Variants in ROBO1 observed in about 807,000 individuals in gnomAD.
The protein encoded by ROBO1 is roundabout homolog 1.
A neutral mutation model predicts 195.9 loss-of-function variants in ROBO1; 149 were observed. The observed-to-expected ratio is 0.76, with a 90% confidence interval of 0.67 to 0.87. The LOEUF (loss-of-function observed/expected upper bound fraction) is 0.87, where lower values mean the gene tolerates loss of function less well. Among genes scored for constraint, ROBO1 ranks in the 40% least tolerant of loss-of-function variants. ROBO1 has a pLI of 0.00. For synonymous variants in ROBO1, 816 were observed against 733.2 expected (o/e 1.11, Z -1.82); for missense variants, 1,933 against 2,068.3 (o/e 0.93, Z 1.27).
At chr3:79,279,062 T>A (rs2031293747) in intron 2 of ROBO1, among the ~76,000 whole-genome samples, 1 of 151,752 alleles carries the variant, frequency 6.6e-6, no homozygotes, top group South Asian at 2.1e-4. Flanking sequence ...TCACCTGAGG[T>A]CAGGAGTTTG....
At chr3:79,278,034 A>G (rs540210830) in intron 2 of ROBO1, among the ~76,000 whole-genome samples, 1 of 152,234 alleles carries the variant, frequency 6.6e-6, no homozygotes, top group East Asian at 1.9e-4. Context: ...AACTAGGTGA[A>G]AAAGAAATCA....
chr3:79,154,017 C>G (rs115977303), intron 2 of ROBO1, among the ~76,000 whole-genome samples: 3 of 150,728 alleles, frequency 2.0e-5, no homozygotes, highest in Middle Eastern at 3.5e-3. Context: ...TCTTTACTTT[C>G]TGCACAGTAT....
chr3:78,607,527 T>C (rs766174184), intron 28 of ROBO1, among the ~76,000 whole-genome samples: 148 of 152,290 alleles, frequency 9.7e-4, no homozygotes, highest in Non-Finnish European at 1.7e-3. Flanking sequence ...CCAACACTTT[T>C]AATGTACTCT....
intron 3 of ROBO1, among the ~76,000 whole-genome samples, chr3:78,993,204 G>C (rs1576528293): frequency 6.6e-6 from 1 of 152,176 alleles, no homozygotes; most frequent in Admixed American, 6.5e-5. Flanking sequence ...AGACATGTGT[G>C]GGTGGATGGA....
intron 20 of ROBO1, 96 bp downstream of exon 20, chr3:78,647,533 A>T (rs1706378124): frequency 8.4e-7 from 1 of 1,194,762 alleles, no homozygotes; most frequent in Non-Finnish European, 1.2e-6. Flanking sequence ...TCTTTCCCCC[A>T]ACTTACTGCA....
At chr3:79,523,550 G>A (rs1370429285) in intron 2 of ROBO1, among the ~76,000 whole-genome samples, 1 of 138,724 alleles carries the variant, frequency 7.2e-6, no homozygotes, top group Non-Finnish European at 1.5e-5. Flanking sequence ...TCAGCTTACT[G>A]CAACCTCCGC....
At chr3:78,694,020 T>C (rs1205029353) in intron 8 of ROBO1, among the ~76,000 whole-genome samples, 1 of 152,208 alleles carries the variant, frequency 6.6e-6, no homozygotes, top group African/African-American at 2.4e-5. Flanking sequence ...AGGTGTTGCA[T>C]TTAAATTCTT....
At chr3:79,208,939 G>T (rs563852487) in intron 2 of ROBO1, among the ~76,000 whole-genome samples, 1 of 152,200 alleles carries the variant, frequency 6.6e-6, no homozygotes, top group East Asian at 1.9e-4. Flanking sequence ...CTTACTCTCT[G>T]TTTATGTGGG....
chr3:78,626,663 C>T (rs569960106), intron 26 of ROBO1, among the ~76,000 whole-genome samples: 39 of 151,820 alleles, frequency 2.6e-4, no homozygotes, highest in African/African-American at 7.7e-4. Flanking sequence ...GGTAGAAATG[C>T]GAAGTGAAGC....
At chr3:79,763,246 C>T (rs541708302) in intron 1 of ROBO1, among the ~76,000 whole-genome samples, 70 of 141,542 alleles carry the variant, frequency 4.9e-4, no homozygotes, top group African/African-American at 1.7e-3. Context: ...CTATCGAGTG[C>T]GAAAAAATAA....
intron 2 of ROBO1, among the ~76,000 whole-genome samples, chr3:79,546,751 T>C (rs777739093): frequency 1.1e-4 from 17 of 152,186 alleles, no homozygotes; most frequent in Non-Finnish European, 2.2e-4. Flanking sequence ...AAACAGGTTA[T>C]GTTTGGCATG....
At chr3:79,082,462 A>G (rs1212130598) in intron 3 of ROBO1, among the ~76,000 whole-genome samples, 1 of 152,216 alleles carries the variant, frequency 6.6e-6, no homozygotes, top group Non-Finnish European at 1.5e-5. Flanking sequence ...TGGATGCATT[A>G]TAAGTTCAAT....
chr3:79,355,478 C>T (rs940762654), intron 2 of ROBO1, among the ~76,000 whole-genome samples: 1 of 152,114 alleles, frequency 6.6e-6, no homozygotes. Flanking sequence ...TTCTACTTAT[C>T]TTACTAGGCA....
intron 2 of ROBO1, among the ~76,000 whole-genome samples, chr3:79,240,883 ACCT>A (rs1374364789): frequency 6.6e-6 from 1 of 151,816 alleles, no homozygotes; most frequent in East Asian, 1.9e-4. Context: ...GTTCAAGTGA[ACCT>A]CCTACCTCAG....
Position 79,001,127 on chromosome 3 carries a change from C to T in ROBO1, c.173-62200G>A, listed in dbSNP as rs576901377. 7.9e-5 allele frequency among the ~76,000 whole-genome samples: 12 copies of T among 151,226 alleles called. No homozygotes were observed. In the South Asian group the frequency reaches 2.5e-3, roughly 32 times the overall value. On this transcript the variant is annotated intron_variant, in intron 3 of 30. Transcript: ENST00000464233. ...CACACACCGGGGCCTGTCAGGGGGT[C>T]GGGGGAAAGGGGAGGGAGAGCATTA...
At position 79,571,367 on chromosome 3, in the gene ROBO1, A is replaced by G. The variant is rs74651048; in HGVS notation, c.88+18457T>C. ...TGAGACTTGCTCCTCTACAAATATAACATTAAAAATATTGTAATTCTTCAA... is the reference window on the plus strand; with the variant it reads ...TGAGACTTGCTCCTCTACAAATATAGCATTAAAAATATTGTAATTCTTCAA... On this transcript the variant is annotated intron_variant, in intron 2 of 30. Coordinates refer to ENST00000464233, the MANE Select transcript of ROBO1 (RefSeq NM_002941.4). Among the ~76,000 whole-genome samples, 153 of 152,252 alleles carry G rather than the reference A, an allele frequency of 1.0e-3. 4 individuals carry two copies. The East Asian group carries it at 0.028, about 28-fold the overall frequency.
intron 3 of ROBO1, among the ~76,000 whole-genome samples, chr3:79,050,620 C>T (rs994736248): frequency 5.3e-5 from 8 of 152,114 alleles, no homozygotes; most frequent in East Asian, 1.9e-4. Context: ...TTCTCAGCAC[C>T]GTATGGCACT....
rs113623477 is a variant in ROBO1 at position 78,701,312 on chromosome 3, T to A, written c.1046-12540A>T. On this transcript the variant is annotated intron_variant, in intron 8 of 30. Transcript: ENST00000464233. ...GAGCAGTTCCATACTTATAAAAAGG[T>A]TTGGGGAAAAATAACTTGTTCTGCA... Among the ~76,000 whole-genome samples, 437 of 152,254 alleles carry A rather than the reference T, an allele frequency of 2.9e-3. 3 individuals are homozygous for A. The highest frequency in any genetic ancestry group is 9.8e-3 in the African/African-American group (407 of 41,540).
chr3:78,965,326 T>G (rs554682281), intron 3 of ROBO1, among the ~76,000 whole-genome samples: 1 of 152,146 alleles, frequency 6.6e-6, no homozygotes, highest in African/African-American at 2.4e-5. Context: ...ACCAGAAGCT[T>G]TTTTTGATGA....
Sources: allele counts gnomAD v4.1 joint callset (sites outside exome capture counted in the v4.1 genomes callset), GRCh38; gene constraint gnomAD v4.1.1; transcripts MANE v1.5; gene names NCBI Gene and HGNC (gene_info 2026-07-23, HGNC 2026-07-21).